CBL: variants seen among roughly 807,000 people sequenced by gnomAD.
CBL encodes Cbl proto-oncogene.
CBL carries 45 observed loss-of-function variants against 96.9 expected under a neutral mutation model. That is an observed-to-expected ratio of 0.46 (90% CI 0.37 to 0.60). The LOEUF (loss-of-function observed/expected upper bound fraction) is 0.60, where lower values mean the gene tolerates loss of function less well. CBL is among the 20% of genes least tolerant of loss of function. The probability of loss-of-function intolerance (pLI) is 0.00; values close to 1 mark genes in which losing one functional copy is unlikely to be tolerated. For synonymous variants in CBL, 420 were observed against 426.8 expected, an observed-to-expected ratio of 0.98 and a Z score of 0.20; for missense variants, 1,024 against 1,143.5, an observed-to-expected ratio of 0.90 and a Z score of 1.51.
chr11:119,300,542 A>G lies in CBL; in HGVS notation c.*761A>G, dbSNP rs1591271587. The stretch of plus-strand genomic sequence containing the variant: ...TTGTTTGGTAGATAAGTGGGAGGAA[A>G]AGTACTGTTGCTACACTATTATAGG... On this transcript the variant is annotated 3_prime_UTR_variant, in exon 16 of 16. Transcript: ENST00000264033. 1 of 399,928 alleles carries G rather than the reference A, an allele frequency of 2.5e-6. No homozygotes were observed. The highest frequency in any genetic ancestry group is 2.1e-5 in the African/African-American group (1 of 48,756). 24.8% of individuals were successfully genotyped at this position (399,928 alleles called of 1,614,324 possible).
In CBL at chr11:119,244,580, A is replaced by AATTTTTTTTTTTTTTT. The variant is rs1194283666; in HGVS notation, c.443+11886_443+11901dup. Among the ~76,000 whole-genome samples the AATTTTTTTTTTTTTTT allele has an allele frequency of 1.8e-4, 16 of 87,264 alleles. 1 individual carries two copies. Among genetic ancestry groups the AATTTTTTTTTTTTTTT allele is most frequent in the African/African-American group, 9.3e-4 (16 of 17,122 alleles). The allele number at this position is 87,264 out of a possible 152,430, so 57.2% of individuals were successfully genotyped here. A position where few individuals can be genotyped will look rare whatever the true frequency, so the allele number is the denominator to read the frequency against. ...CAGGTGCATGCTACCATGCCCGGCT[A>AATTTTTTTTTTTTTTT]ATTTTTTTTTTTTTTTTTTGAGACG... On this transcript the variant is annotated intron_variant, in intron 2 of 15. Coordinates refer to ENST00000264033, the MANE Select transcript of CBL (RefSeq NM_005188.4).
intron 12 of CBL, among the ~76,000 whole-genome samples, chr11:119,293,696 T>G (rs959609831): frequency 1.3e-5 from 2 of 152,180 alleles, no homozygotes; most frequent in Non-Finnish European, 2.9e-5. Context: ...TGTCTCTTCT[T>G]AGTCTGTTTT....
intron 1 of CBL, among the ~76,000 whole-genome samples, chr11:119,217,700 A>G (rs994684291): frequency 1.3e-5 from 2 of 151,988 alleles, no homozygotes; most frequent in African/African-American, 4.8e-5. Flanking sequence ...TTTTTTTTAA[A>G]TAAATGGAAG....
rs1555226934 is a variant in CBL, at chr11:119,236,620, T to TATAC, written c.443+3926_443+3929dup. 2.7e-4 allele frequency among the ~76,000 whole-genome samples: 39 copies of TATAC among 141,978 alleles called. No individual in the cohort carries two copies. In the South Asian group the frequency reaches 7.4e-3, roughly 27 times the overall value. 93.1% of individuals were successfully genotyped at this position (141,978 alleles called of 152,430 possible). A position where few individuals can be genotyped will look rare whatever the true frequency, so the allele number is the denominator to read the frequency against. ...GTATATATATATATATATATATATA[T>TATAC]ATACCCATAGGAGTGGAATTGCTGA... On this transcript the variant is annotated intron_variant, in intron 2 of 15. Transcript: ENST00000264033.
At chr11:119,276,262 T>C (rs1949888791) in intron 6 of CBL, 128 bp downstream of exon 6, 1 of 997,834 alleles carries the variant, frequency 1.0e-6, no homozygotes, top group Admixed American at 1.9e-5. Flanking sequence ...TAACAGATGA[T>C]ATTGATTTGA....
At position 119,306,429 on chromosome 11, in the gene CBL, T is replaced by C. The variant is rs544221090; in HGVS notation, c.*6648T>C. On this transcript the variant is annotated 3_prime_UTR_variant, in exon 16 of 16. Coordinates refer to ENST00000264033, the MANE Select transcript of CBL (RefSeq NM_005188.4). ...CAACATTGCCTCTCCTACATTCTCC[T>C]TCTGCCCCTAAATCAGACAGGAGGC... 1 of 397,934 alleles carries C rather than the reference T, an allele frequency of 2.5e-6. No individual in the cohort carries two copies. The highest frequency in any genetic ancestry group is 2.1e-5 in the African/African-American group (1 of 48,242). 24.7% of individuals were successfully genotyped at this position (397,934 alleles called of 1,614,324 possible).
In CBL at chr11:119,300,796, G is replaced by A. The variant is rs1293567413; in HGVS notation, c.*1015G>A. The A allele has an allele frequency of 2.6e-6, 1 of 379,298 alleles. No individual in the cohort carries two copies. The highest frequency in any genetic ancestry group is 4.5e-5 in the Admixed American group (1 of 22,092). 23.5% of individuals were successfully genotyped at this position (379,298 alleles called of 1,614,324 possible). A position where few individuals can be genotyped will look rare whatever the true frequency, so the allele number is the denominator to read the frequency against. On this transcript the variant is annotated 3_prime_UTR_variant, in exon 16 of 16. Transcript: ENST00000264033. ...CATGAGTCTTTCTACTTAATGGGAA[G>A]GGAAGAACATTTGTTTCCAGGATGA...
chr11:119,245,956 C>CTTTTTTTTTTTTTTTTTTTTTTT lies in CBL; in HGVS notation c.443+13273_443+13295dup, dbSNP rs71048054. On this transcript the variant is annotated intron_variant, in intron 2 of 15. Transcript: ENST00000264033. ...TAAGACAGACGCATTCTTTGCAAAT[C>CTTTTTTTTTTTTTTTTTTTTTTT]TTTTTTTTTTTTTTTTTTTTTTTTT... Among the ~76,000 whole-genome samples the CTTTTTTTTTTTTTTTTTTTTTTT allele has an allele frequency of 3.7e-5, 2 of 54,284 alleles. 1 individual carries two copies. The highest frequency in any genetic ancestry group is 1.3e-4 in the African/African-American group (2 of 15,370). 35.6% of individuals were successfully genotyped at this position (54,284 alleles called of 152,430 possible). A position where few individuals can be genotyped will look rare whatever the true frequency, so the allele number is the denominator to read the frequency against.
chr11:119,236,025 A>G (rs555897449), intron 2 of CBL, among the ~76,000 whole-genome samples: 2 of 152,258 alleles, frequency 1.3e-5, no homozygotes, highest in African/African-American at 2.4e-5. Flanking sequence ...CTTTTTGATT[A>G]CTTAGAGGTT....
At chr11:119,216,589 C>T (rs1300176280) in intron 1 of CBL, among the ~76,000 whole-genome samples, 1 of 152,008 alleles carries the variant, frequency 6.6e-6, no homozygotes, top group Non-Finnish European at 1.5e-5. Flanking sequence ...CCAGGATGGT[C>T]TCGATCTCTT....
intron 11 of CBL, 39 bp downstream of exon 11, chr11:119,285,605 ATAT>A (rs1180693706): frequency 6.2e-7 from 1 of 1,605,568 alleles, no homozygotes; most frequent in Non-Finnish European, 8.5e-7. Flanking sequence ...CTGTTAAGAA[ATAT>A]GTGTGGGCCA....
chr11:119,246,532 A>G (rs943159598), intron 2 of CBL, among the ~76,000 whole-genome samples: 1 of 148,640 alleles, frequency 6.7e-6, no homozygotes. Context: ...GCTCACCGCA[A>G]CCTCCGCCTC....
intron 9 of CBL, among the ~76,000 whole-genome samples, chr11:119,281,740 G>A (rs1337384831): frequency 2.0e-5 from 3 of 151,746 alleles, no homozygotes; most frequent in African/African-American, 2.4e-5. Context: ...CTTGTGATCC[G>A]CCTGCCTCGG....
In CBL at chr11:119,297,371, C is replaced by T; in HGVS notation, c.2154-13C>T. 6.3e-7 allele frequency: 1 copy of T among 1,593,710 alleles called. No homozygotes were observed. On this transcript the variant is annotated splice_polypyrimidine_tract_variant and intron_variant, in intron 13 of 15. Coordinates refer to ENST00000264033, the MANE Select transcript of CBL (RefSeq NM_005188.4). ...TTTCCAAAGATCATTATGGCACTTT[C>T]CTTCTGGTTCAGAGCATGTGATTGC...
rs559113450 is a variant in CBL at position 119,290,132 on chromosome 11, A to G, written c.2036+2186A>G. ...GCAGTCTTGGCTCACTGCAGCCTAA[A>G]CTTCCCAGGCTCAAGTGATCCTCCT... On this transcript the variant is annotated intron_variant, in intron 12 of 15. Coordinates refer to ENST00000264033, the MANE Select transcript of CBL (RefSeq NM_005188.4). Among the ~76,000 whole-genome samples, 6 of 151,968 alleles carry G rather than the reference A, an allele frequency of 3.9e-5. No individual in the cohort carries two copies. In the South Asian group the frequency reaches 8.3e-4, roughly 21 times the overall value.
At position 119,278,275 on chromosome 11, in the gene CBL, C is replaced by T. The variant is rs2135303866; in HGVS notation, c.1205C>T (p.Thr402Ile). Residue 402 changes from threonine (T) to isoleucine (I), a missense_variant, in exon 8 of 16, where the codon ACA becomes ATA. Physicochemically the swap from Thr to Ile is moderately conservative, Grantham distance 89 (BLOSUM62 -1). Transcript: ENST00000264033. ...GAGCCCTGTGGACACCTCATGTGCA[C>T]ATCCTGTCTTACATCCTGGCAGGTA... The part of the protein sequence containing the change: ...KIEPCGHLMC[T>I]SCLTSWQESE... 1 of 1,613,962 alleles carries T rather than the reference C, an allele frequency of 6.2e-7. No individual in the cohort carries two copies. The highest frequency in any genetic ancestry group is 8.5e-7 in the Non-Finnish European group (1 of 1,179,864).
At chr11:119,269,724 G>A (rs185323366) in intron 2 of CBL, among the ~76,000 whole-genome samples, 2 of 152,182 alleles carry the variant, frequency 1.3e-5, no homozygotes, top group Admixed American at 1.3e-4. Context: ...TGCCGGGCGC[G>A]GTGGCTCACG....
rs1263214154 is a variant in CBL at position 119,303,535 on chromosome 11, A to G, written c.*3754A>G. The G allele has an allele frequency of 1.7e-5, 4 of 233,482 alleles. No homozygotes were observed. The highest frequency in any genetic ancestry group is 1.8e-4 in the South Asian group (1 of 5,530). 14.5% of individuals were successfully genotyped at this position (233,482 alleles called of 1,614,324 possible). ...TAGCTCTTCCCAGTAAGATTGTGCA[A>G]TTTTTATTCACAGCTCTTCCATGTA... On this transcript the variant is annotated 3_prime_UTR_variant, in exon 16 of 16. Coordinates refer to ENST00000264033, the MANE Select transcript of CBL (RefSeq NM_005188.4).
intron 2 of CBL, among the ~76,000 whole-genome samples, chr11:119,246,707 C>G (rs1949634465): frequency 6.6e-6 from 1 of 152,228 alleles, no homozygotes; most frequent in Non-Finnish European, 1.5e-5. Flanking sequence ...CCACTTCGGC[C>G]TCCCAAAGTG....
Sources: allele counts gnomAD v4.1 joint callset (sites outside exome capture counted in the v4.1 genomes callset), GRCh38; gene constraint gnomAD v4.1.1; transcripts MANE v1.5; gene names NCBI Gene and HGNC (gene_info 2026-07-23, HGNC 2026-07-21).